ZNF141: variants seen among roughly 807,000 people sequenced by gnomAD.
ZNF141 encodes the protein zinc finger protein 141.
A neutral mutation model predicts 11.3 loss-of-function variants in ZNF141; 7 were observed. The ratio of observed to expected loss-of-function variants is 0.62; its 90% CI spans 0.35 to 1.16. The LOEUF (loss-of-function observed/expected upper bound fraction) is 1.16. Among genes scored for constraint, ZNF141 ranks in the 50% most tolerant of loss-of-function variants. ZNF141 has a pLI of 0.02. For synonymous variants in ZNF141, 183 were observed against 190.7 expected, an observed-to-expected ratio of 0.96 and a Z score of 0.33; for missense variants, 535 against 554.0, an observed-to-expected ratio of 0.97 and a Z score of 0.34.
chr4:341,732 C>G (rs1721061854), intron 1 of ZNF141, among the ~76,000 whole-genome samples: 1 of 152,222 alleles, frequency 6.6e-6, no homozygotes, highest in African/African-American at 2.4e-5. Flanking sequence ...ACACTGAAAT[C>G]TCTCACAGAA....
intron 3 of ZNF141, among the ~76,000 whole-genome samples, chr4:345,868 A>G (rs1721298489): frequency 6.6e-6 from 1 of 152,312 alleles, no homozygotes; most frequent in East Asian, 1.9e-4. Context: ...ATATTTCTTA[A>G]ATGCACTGTA....
chr4:338,594 C>T (rs1203327109), intron 1 of ZNF141: 7 of 154,046 alleles, frequency 4.5e-5, no homozygotes, highest in African/African-American at 1.7e-4. Context: ...TGTGGGCGCG[C>T]ACAGCGCTTC....
intron 1 of ZNF141, among the ~76,000 whole-genome samples, chr4:341,033 T>C (rs1393747993): frequency 6.6e-6 from 1 of 152,118 alleles, no homozygotes; most frequent in African/African-American, 2.4e-5. Flanking sequence ...ATATTATGTT[T>C]ACCCCACCTT....
intron 3 of ZNF141, among the ~76,000 whole-genome samples, chr4:344,778 G>A (rs1455293983): frequency 2.0e-5 from 3 of 152,148 alleles, no homozygotes; most frequent in African/African-American, 7.2e-5. Flanking sequence ...TGGTGACAGA[G>A]TTAGACTCCG....
chr4:345,722 C>CT (rs1268512824), intron 3 of ZNF141, among the ~76,000 whole-genome samples: 1 of 120,488 alleles, frequency 8.3e-6, no homozygotes, highest in Admixed American at 9.3e-5. Flanking sequence ...GAGTGAAACT[C>CT]TGTCTCCAAA....
At chr4:346,878 TAC>T (rs377666294) in intron 3 of ZNF141, among the ~76,000 whole-genome samples, 11 of 120,218 alleles carry the variant, frequency 9.2e-5, no homozygotes, top group African/African-American at 1.4e-4. Flanking sequence ...TATATATGTA[TAC>T]ACACACACAC....
intron 3 of ZNF141, chr4:358,326 T>G (rs1315782465): frequency 2.8e-6 from 1 of 358,572 alleles, no homozygotes; most frequent in Non-Finnish European, 5.3e-6. Context: ...TAGCTGGGAT[T>G]AGTCATGAGC....
Position 367,146 on chromosome 4 carries a change from G to T in ZNF141, c.227-5518G>T, listed in dbSNP as rs529033270. On this transcript the variant is annotated intron_variant, in intron 3 of 3. Transcript: ENST00000240499. ...AGAAATCTTCTTTTTTTGAGATCTG[G>T]AACAGGACAAGTATGTTTTTATTTT... is the stretch of plus-strand genomic sequence containing the variant. Among the ~76,000 whole-genome samples the T allele has an allele frequency of 2.6e-5, 4 of 152,278 alleles. No individual in the cohort carries two copies. The South Asian group carries it at 8.3e-4, about 32-fold the overall frequency.
intron 3 of ZNF141, among the ~76,000 whole-genome samples, chr4:366,948 G>A (rs563519409): frequency 9.1e-4 from 139 of 152,304 alleles, no homozygotes; most frequent in Non-Finnish European, 1.6e-3. Context: ...GATTACAGGC[G>A]TGAGCCACTG....
At chr4:360,481 A>G (rs183782882) in intron 3 of ZNF141, among the ~76,000 whole-genome samples, 1 of 152,318 alleles carries the variant, frequency 6.6e-6, no homozygotes, top group East Asian at 1.9e-4. Context: ...AAAACTAGTT[A>G]TTTAAAGGAT....
At position 379,744 on chromosome 4, in the gene ZNF141, A is replaced by G. The variant is rs1173892972; in HGVS notation, c.*5882A>G. 6.6e-6 allele frequency among the ~76,000 whole-genome samples: 1 copy of G among 152,250 alleles called. No individual in the cohort carries two copies. Among genetic ancestry groups the G allele is most frequent in the Admixed American group, 6.5e-5 (1 of 15,288 alleles). On this transcript the variant is annotated 3_prime_UTR_variant, in exon 4 of 4. Coordinates refer to ENST00000240499, the MANE Select transcript of ZNF141 (RefSeq NM_003441.4). ...TTATAATACTCAAGTTGTTTGACAAAGATACTCATCATTTGCAACATTATT... is the reference window on the plus strand; with the variant it reads ...TTATAATACTCAAGTTGTTTGACAAGGATACTCATCATTTGCAACATTATT...
Position 374,214 on chromosome 4 carries a change from T to C in ZNF141, c.*352T>C, listed in dbSNP as rs1004990322. ...TCATGCTGGAGGGAAGCCCTACACA[T>C]GTGGCAGAATGTGGCAAAGCATTTA... On this transcript the variant is annotated 3_prime_UTR_variant, in exon 4 of 4. Transcript: ENST00000240499. 1 of 310,278 alleles carries C rather than the reference T, an allele frequency of 3.2e-6. No homozygotes were observed. The highest frequency in any genetic ancestry group is 6.2e-6 in the Non-Finnish European group (1 of 160,978). The allele number at this position is 310,278 out of a possible 1,614,324, so 19.2% of individuals were successfully genotyped here.
Position 378,568 on chromosome 4 carries a change from A to C in ZNF141, c.*4706A>C, listed in dbSNP as rs1352843282. On this transcript the variant is annotated 3_prime_UTR_variant, in exon 4 of 4. Coordinates refer to ENST00000240499, the MANE Select transcript of ZNF141 (RefSeq NM_003441.4). ...CAGGCATGAGCCACCGTGCCTGGCC[A>C]GAATATTATATCTTTGAGTGTGAAT... Among the ~76,000 whole-genome samples the C allele has an allele frequency of 6.6e-6, 1 of 152,102 alleles. No individual in the cohort carries two copies. The highest frequency in any genetic ancestry group is 1.5e-5 in the Non-Finnish European group (1 of 68,028).
At chr4:338,658 C>T (rs1720907776) in intron 1 of ZNF141, 1 of 153,010 alleles carries the variant, frequency 6.5e-6, no homozygotes, top group South Asian at 2.1e-4. Context: ...AGGGTGTGGG[C>T]CCCTGGTTTG....
In ZNF141 at chr4:380,298, C is replaced by T. The variant is rs781965204; in HGVS notation, c.*6436C>T. Among the ~76,000 whole-genome samples the T allele has an allele frequency of 6.6e-6, 1 of 152,136 alleles. No individual in the cohort carries two copies. Among genetic ancestry groups the T allele is most frequent in the Non-Finnish European group, 1.5e-5 (1 of 68,028 alleles). ...AGCATGTATTGGAATTCCGTATATA[C>T]ATGTTTTAGTAATAGTTGATTTCTA... On this transcript the variant is annotated 3_prime_UTR_variant, in exon 4 of 4. Coordinates refer to ENST00000240499, the MANE Select transcript of ZNF141 (RefSeq NM_003441.4).
At chr4:353,700 G>A (rs1447304616) in intron 3 of ZNF141, among the ~76,000 whole-genome samples, 1 of 151,996 alleles carries the variant, frequency 6.6e-6, no homozygotes, top group Admixed American at 6.6e-5. Context: ...GACCTCAGGT[G>A]ATCCCTCCAC....
Position 383,810 on chromosome 4 carries a change from A to G in ZNF141, c.*9948A>G, listed in dbSNP as rs1425069198. The G allele has an allele frequency of 6.6e-6, 1 of 152,342 alleles. No individual in the cohort carries two copies. The highest frequency in any genetic ancestry group is 1.5e-5 in the Non-Finnish European group (1 of 68,130). 9.4% of individuals were successfully genotyped at this position (152,342 alleles called of 1,614,324 possible). A position where few individuals can be genotyped will look rare whatever the true frequency, so the allele number is the denominator to read the frequency against. On this transcript the variant is annotated 3_prime_UTR_variant, in exon 4 of 4. Coordinates refer to ENST00000240499, the MANE Select transcript of ZNF141 (RefSeq NM_003441.4). Reference sequence around the variant, plus strand: ...AATTCGCCTCAACCTTTGATTAGCCAAGGACCAAATCCTTCATTCAGATAA... The same window carrying G: ...AATTCGCCTCAACCTTTGATTAGCCGAGGACCAAATCCTTCATTCAGATAA...
intron 3 of ZNF141, among the ~76,000 whole-genome samples, chr4:351,800 A>T (rs782473534): frequency 2.0e-5 from 3 of 152,130 alleles, no homozygotes; most frequent in African/African-American, 4.8e-5. Flanking sequence ...CAGGTGTCTC[A>T]GCCTGCTCAA....
chr4:366,431 C>T (rs974197715), intron 3 of ZNF141, among the ~76,000 whole-genome samples: 2 of 152,136 alleles, frequency 1.3e-5, no homozygotes, highest in Non-Finnish European at 2.9e-5. Flanking sequence ...GTCTCAACCT[C>T]CTGAGTAGCT....
Sources: allele counts gnomAD v4.1 joint callset (sites outside exome capture counted in the v4.1 genomes callset), GRCh38; gene constraint gnomAD v4.1.1; transcripts MANE v1.5; gene names NCBI Gene and HGNC (gene_info 2026-07-23, HGNC 2026-07-21).